Variants in CA1 observed in about 807,000 individuals in gnomAD.
The protein encoded by CA1 is carbonate dehydratase I.
A neutral mutation model predicts 28.8 loss-of-function variants in CA1; 27 were observed. That is an observed-to-expected ratio of 0.94 (90% CI 0.69 to 1.29). The LOEUF (loss-of-function observed/expected upper bound fraction) is 1.29, where lower values mean the gene tolerates loss of function less well. Ranked by LOEUF, CA1 falls within the 50% of genes most tolerant of loss-of-function variation. The pLI is 0.00. For synonymous variants in CA1, 121 were observed against 108.8 expected (o/e 1.11, Z -0.70); for missense variants, 335 against 310.5 (o/e 1.08, Z -0.59).
At chr8:85,360,839 A>G (rs1242413326) in intron 1 of CA1, among the ~76,000 whole-genome samples, 1 of 152,162 alleles carries the variant, frequency 6.6e-6, no homozygotes, top group East Asian at 1.9e-4. Flanking sequence ...CACAAAATCT[A>G]TTTATCAAAT....
chr8:85,339,592 A>G (rs1226943944), intron 2 of CA1, among the ~76,000 whole-genome samples: 1 of 152,206 alleles, frequency 6.6e-6, no homozygotes. Context: ...TCTCACTTTA[A>G]ATCAAAAGCT....
At chr8:85,372,450 T>A (rs1810263195) in intron 1 of CA1, among the ~76,000 whole-genome samples, 1 of 152,194 alleles carries the variant, frequency 6.6e-6, no homozygotes, top group Non-Finnish European at 1.5e-5. Flanking sequence ...TACCTTATGG[T>A]CCAGCATTCC....
chr8:85,376,238 C>T (rs773868128), intron 1 of CA1, among the ~76,000 whole-genome samples: 1 of 151,852 alleles, frequency 6.6e-6, no homozygotes, highest in Non-Finnish European at 1.5e-5. Flanking sequence ...GGCTGAGACA[C>T]GAGAATTGCT....
At chr8:85,333,180 T>A (rs916716819) in intron 5 of CA1, among the ~76,000 whole-genome samples, 2 of 152,164 alleles carry the variant, frequency 1.3e-5, no homozygotes, top group Admixed American at 6.5e-5. Flanking sequence ...TTTAATAATA[T>A]TTCTTTCCTG....
chr8:85,348,637 G>A (rs1585939008), intron 1 of CA1, among the ~76,000 whole-genome samples: 1 of 152,120 alleles, frequency 6.6e-6, no homozygotes. Context: ...TATCTACAAC[G>A]TTCCTTTAGT....
chr8:85,370,540 G>T (rs562185211), intron 1 of CA1, among the ~76,000 whole-genome samples: 1 of 152,206 alleles, frequency 6.6e-6, no homozygotes, highest in East Asian at 1.9e-4. Flanking sequence ...TGTAGTTAGA[G>T]ATTAAAACAT....
At position 85,329,792 on chromosome 8, in the gene CA1, G is replaced by A. The variant is rs1429758308; in HGVS notation, c.566C>T (p.Ser189Phe). The change falls in exon 7 of 8, where the codon TCC becomes TTC. Residue 189 changes from serine to phenylalanine, a missense_variant. Coordinates refer to ENST00000523022, the MANE Select transcript of CA1 (RefSeq NM_001128831.4). ...GCCAGGGTAGGTCCAGAAATCCAGG[G>A]ATGAAGGAAGGAGAGTAGAGGGGTC... ...NFDPSTLLPS[S>F]LDFWTYPGSL... 3 of 1,603,310 alleles carry A rather than the reference G, an allele frequency of 1.9e-6. No homozygotes were observed. Among genetic ancestry groups the A allele is most frequent in the South Asian group, 2.2e-5 (2 of 89,406 alleles).
At chr8:85,364,942 G>A (rs1809944999) in intron 1 of CA1, among the ~76,000 whole-genome samples, 1 of 152,210 alleles carries the variant, frequency 6.6e-6, no homozygotes, top group African/African-American at 2.4e-5. Context: ...TCAGCTTCTA[G>A]ACGGTACTGG....
At chr8:85,329,358 A>G (rs1476287516) in intron 7 of CA1, among the ~76,000 whole-genome samples, 2 of 152,138 alleles carry the variant, frequency 1.3e-5, no homozygotes, top group South Asian at 2.1e-4. Flanking sequence ...GGGAGCCACA[A>G]TTCCCCAAAG....
intron 7 of CA1, among the ~76,000 whole-genome samples, chr8:85,328,911 T>C (rs1410689362): frequency 1.4e-5 from 2 of 147,766 alleles, no homozygotes; most frequent in Non-Finnish European, 2.9e-5. Context: ...GCAAATTTAA[T>C]TATTTGCTTT....
At chr8:85,375,218 C>G (rs1810366035) in intron 1 of CA1, among the ~76,000 whole-genome samples, 1 of 152,034 alleles carries the variant, frequency 6.6e-6, no homozygotes, top group South Asian at 2.1e-4. Flanking sequence ...TGCTATTCCA[C>G]CTTAGATAAT....
rs564821748 is a variant in CA1, at chr8:85,373,199, G to A, written c.-25+4847C>T. Among the ~76,000 whole-genome samples, 17 of 152,304 alleles carry A rather than the reference G, an allele frequency of 1.1e-4. 1 individual carries two copies. Among genetic ancestry groups the A allele is most frequent in the East Asian group, 7.7e-4 (4 of 5,190 alleles). ...AGCTACAGTGCAAGATGGGTGTTTC[G>A]TTAAGACGGAAAAGACATTAAATGG... On this transcript the variant is annotated intron_variant, in intron 1 of 7. Transcript: ENST00000523022.
Position 85,336,970 on chromosome 8 carries a change from A to T in CA1, c.329T>A (p.Val110Glu), listed in dbSNP as rs1244364127. The T allele has an allele frequency of 6.8e-6, 11 of 1,607,336 alleles. No homozygotes were observed. The highest frequency in any genetic ancestry group is 8.5e-6 in the Non-Finnish European group (10 of 1,174,084). ...CTCGGCAGAATATTTGACTCCATCC[A>T]CTGTATGTTCTGAACCATGCTCATT... ...STNEHGSEHT[V>E]DGVKYSAELH... Residue 110 changes from valine (V) to glutamate (E), a missense_variant, in exon 4 of 8, where the codon GTG (valine) becomes GAG (glutamate). Transcript: ENST00000523022.
chr8:85,355,794 G>A (rs1809583322), intron 1 of CA1, among the ~76,000 whole-genome samples: 2 of 151,840 alleles, frequency 1.3e-5, no homozygotes, highest in South Asian at 2.1e-4. Context: ...GTAACTTGAA[G>A]CTAAACTTAT....
chr8:85,375,030 T>A (rs1184377539), intron 1 of CA1, among the ~76,000 whole-genome samples: 1 of 152,190 alleles, frequency 6.6e-6, no homozygotes, highest in African/African-American at 2.4e-5. Flanking sequence ...TGGTTAAATA[T>A]CTTTTGCAAA....
chr8:85,338,170 G>A, intron 3 of CA1, 82 bp downstream of exon 3: 1 of 1,111,656 alleles, frequency 9.0e-7, no homozygotes, highest in Non-Finnish European at 1.4e-6. Flanking sequence ...CTTAGAATGG[G>A]TGTCATATTT....
intron 1 of CA1, 152 bp from the exon 2 acceptor site, chr8:85,341,811 A>T (rs552162800): frequency 1.4e-5 from 7 of 517,150 alleles, no homozygotes; most frequent in Admixed American, 6.7e-5. Flanking sequence ...ACACATATCT[A>T]AAAAAAAGGT....
In CA1 at chr8:85,341,600, A is replaced by AT; in HGVS notation, c.35dup (p.Asn12LysfsTer4). 1.3e-6 allele frequency: 2 copies of AT among 1,585,626 alleles called. No individual in the cohort carries two copies. The highest frequency in any genetic ancestry group is 1.7e-6 in the Non-Finnish European group (2 of 1,154,276). ...CTATATAAACAGGAGAACTCTTACC[A>AT]TTTTTGTCATCATATCCCCAGTCTG... On this transcript the variant is annotated frameshift_variant and splice_region_variant, in exon 2 of 8. Transcript: ENST00000523022. LOFTEE classifies it high-confidence loss of function.
In CA1 at chr8:85,327,798, G is replaced by T. The variant is rs1230233390; in HGVS notation, c.*762C>A. The T allele has an allele frequency of 6.6e-6, 1 of 152,188 alleles. No individual in the cohort carries two copies. Among genetic ancestry groups the T allele is most frequent in the Non-Finnish European group, 1.5e-5 (1 of 68,026 alleles). The allele number at this position is 152,188 out of a possible 1,614,324, so 9.4% of individuals were successfully genotyped here. A position where few individuals can be genotyped will look rare whatever the true frequency, so the allele number is the denominator to read the frequency against. On this transcript the variant is annotated 3_prime_UTR_variant, in exon 8 of 8. Coordinates refer to ENST00000523022, the MANE Select transcript of CA1 (RefSeq NM_001128831.4). ...GATGTTTCTATATGATTCTAAGCAA[G>T]AATGACTTCTTTAGCATTTTTATAA...
Sources: gnomAD v4.1 joint callset for allele counts (sites outside exome capture counted in the v4.1 genomes callset) on GRCh38, gnomAD v4.1.1 for gene constraint, MANE v1.5 for transcripts, NCBI Gene and HGNC (gene_info 2026-07-23, HGNC 2026-07-21) for gene names.